PDE4B: variants seen among roughly 807,000 people sequenced by gnomAD.
PDE4B encodes the protein phosphodiesterase 4B.
PDE4B carries 20 observed loss-of-function variants against 82.2 expected under a neutral mutation model. The ratio of observed to expected loss-of-function variants is 0.24; its 90% CI spans 0.17 to 0.35. PDE4B has a LOEUF of 0.35. Among genes scored for constraint, PDE4B ranks in the 10% least tolerant of loss-of-function variants. The probability of loss-of-function intolerance (pLI) is 1.00; values close to 1 mark genes in which losing one functional copy is unlikely to be tolerated. For missense variants in PDE4B, 655 were observed against 907.2 expected (o/e 0.72, Z 3.57); for synonymous variants, 320 against 318.9 (o/e 1.00, Z -0.04).
At chr1:66,280,082 C>T (rs192257409) in intron 7 of PDE4B, among the ~76,000 whole-genome samples, 1 of 152,340 alleles carries the variant, frequency 6.6e-6, no homozygotes, top group African/African-American at 2.4e-5. Context: ...ATGCCTAGCT[C>T]TTCTACAAAC....
At chr1:65,950,354 A>G (rs1648929238) in intron 3 of PDE4B, among the ~76,000 whole-genome samples, 1 of 152,018 alleles carries the variant, frequency 6.6e-6, no homozygotes, top group African/African-American at 2.4e-5. Context: ...TAGGGTTCTC[A>G]TTATCATCCA....
intron 3 of PDE4B, among the ~76,000 whole-genome samples, chr1:66,156,398 G>A (rs2101226218): frequency 6.6e-6 from 1 of 152,250 alleles, no homozygotes; most frequent in Non-Finnish European, 1.5e-5. Flanking sequence ...ACATTGTTGA[G>A]AAAGGTTAGA....
chr1:65,867,566 C>G (rs1646525496), intron 1 of PDE4B, among the ~76,000 whole-genome samples: 1 of 152,204 alleles, frequency 6.6e-6, no homozygotes. Context: ...AGCTCCTGAG[C>G]TAAGACTTCC....
intron 7 of PDE4B, among the ~76,000 whole-genome samples, chr1:66,288,273 G>T (rs149350655): frequency 2.6e-5 from 4 of 151,948 alleles, no homozygotes; most frequent in Non-Finnish European, 5.9e-5. Flanking sequence ...ACTCACTACC[G>T]CAAACACACC....
At chr1:66,205,256 C>T (rs911295646) in intron 3 of PDE4B, among the ~76,000 whole-genome samples, 1 of 152,208 alleles carries the variant, frequency 6.6e-6, no homozygotes, top group African/African-American at 2.4e-5. Flanking sequence ...TGCTTCTACT[C>T]TACTCAAGTG....
At chr1:65,818,718 C>G (rs1410558722) in intron 1 of PDE4B, among the ~76,000 whole-genome samples, 3 of 134,796 alleles carry the variant, frequency 2.2e-5, no homozygotes, top group South Asian at 5.0e-4. Context: ...TAACAAAAAT[C>G]TTCAAATACA....
intron 3 of PDE4B, among the ~76,000 whole-genome samples, chr1:66,000,292 G>A (rs1193527179): frequency 6.6e-6 from 1 of 152,140 alleles, no homozygotes; most frequent in East Asian, 1.9e-4. Context: ...TTTACATAGT[G>A]TACATTAGAA....
Position 66,247,508 on chromosome 1 carries a change from C to T in PDE4B, c.330C>T (p.Pro110=), listed in dbSNP as rs761930779. ...CCCCAGGTCGGAGTCCACTGGATCC[C>T]CAGGCCAGCTCTTCCGCTGGGCTGG... ...GPSPGRSPLD[P]QASSSAGLVL... is the part of the protein sequence containing the mutation. The change falls in exon 4 of 17, where the codon CCC becomes CCT. Residue 110 remains proline (P), a synonymous_variant. Coordinates refer to ENST00000341517, the MANE Select transcript of PDE4B (RefSeq NM_002600.4). 1.2e-6 allele frequency: 2 copies of T among 1,606,330 alleles called. No homozygotes were observed. Among genetic ancestry groups the T allele is most frequent in the Non-Finnish European group, 1.7e-6 (2 of 1,177,038 alleles).
At chr1:65,809,305 T>C (rs986601360) in intron 1 of PDE4B, among the ~76,000 whole-genome samples, 2 of 120,732 alleles carry the variant, frequency 1.7e-5, no homozygotes, top group Non-Finnish European at 3.2e-5. Flanking sequence ...CAATCTAGCC[T>C]GGGTGACAGA....
At chr1:66,269,912 A>G (rs1010947505) in intron 7 of PDE4B, among the ~76,000 whole-genome samples, 10 of 152,232 alleles carry the variant, frequency 6.6e-5, no homozygotes, top group Admixed American at 2.6e-4. Flanking sequence ...ATATTTTAGC[A>G]GCCAATTTGA....
intron 3 of PDE4B, among the ~76,000 whole-genome samples, chr1:66,174,111 A>G (rs1646887464): frequency 6.6e-6 from 1 of 152,196 alleles, no homozygotes; most frequent in Non-Finnish European, 1.5e-5. Context: ...TACTTTACCT[A>G]CAAATTTTTT....
intron 3 of PDE4B, chr1:66,062,924 T>A (rs1348913767): frequency 6.6e-6 from 1 of 152,104 alleles, no homozygotes; most frequent in Non-Finnish European, 1.5e-5. Context: ...TTAGTATGGA[T>A]CCTCATGTTC....
chr1:66,049,242 C>T (rs2100854495), intron 3 of PDE4B, among the ~76,000 whole-genome samples: 1 of 152,120 alleles, frequency 6.6e-6, no homozygotes, highest in South Asian at 2.1e-4. Context: ...CTTTAAATAG[C>T]ATCATCTAAA....
intron 3 of PDE4B, among the ~76,000 whole-genome samples, chr1:66,009,247 C>T (rs561574472): frequency 1.3e-5 from 2 of 152,290 alleles, no homozygotes; most frequent in East Asian, 1.9e-4. Context: ...TCAGCAAATC[C>T]TATCAGCTCA....
At chr1:66,066,389 C>G (rs532712831) in intron 3 of PDE4B, among the ~76,000 whole-genome samples, 53 of 151,830 alleles carry the variant, frequency 3.5e-4, no homozygotes, top group Admixed American at 1.2e-3. Flanking sequence ...ATTTATTATG[C>G]AAATTTCCTA....
intron 1 of PDE4B, among the ~76,000 whole-genome samples, chr1:65,877,653 A>AAATG (rs1363747295): frequency 6.6e-6 from 1 of 151,304 alleles, no homozygotes; most frequent in Non-Finnish European, 1.5e-5. Flanking sequence ...ATAAATAAAT[A>AAATG]AATAGTGCTG....
intron 1 of PDE4B, among the ~76,000 whole-genome samples, chr1:65,887,860 A>G (rs74851849): frequency 0.019 from 2,918 of 152,154 alleles, 110 homozygotes; most frequent in East Asian, 0.13. Context: ...CTCTTATTAG[A>G]TGAATAGTTT....
chr1:66,216,871 C>G (rs376731468), intron 3 of PDE4B, among the ~76,000 whole-genome samples: 10 of 152,252 alleles, frequency 6.6e-5, no homozygotes, highest in African/African-American at 2.2e-4. Context: ...GACTGTGACT[C>G]TCTGGGTAGT....
At chr1:66,305,282 C>T (rs1658189631) in intron 7 of PDE4B, among the ~76,000 whole-genome samples, 1 of 152,076 alleles carries the variant, frequency 6.6e-6, no homozygotes, top group Non-Finnish European at 1.5e-5. Flanking sequence ...GGGAATAGCA[C>T]AGTTTTATCT....
Sources: gnomAD v4.1 joint callset for allele counts (sites outside exome capture counted in the v4.1 genomes callset) on GRCh38, gnomAD v4.1.1 for gene constraint, MANE v1.5 for transcripts, NCBI Gene and HGNC (gene_info 2026-07-23, HGNC 2026-07-21) for gene names.